LYPD1: variants seen among roughly 807,000 people sequenced by gnomAD.
LYPD1 encodes ly6/PLAUR domain-containing protein 1.
LYPD1 carries 14 observed loss-of-function variants against 14.2 expected under a neutral mutation model. The ratio of observed to expected loss-of-function variants is 0.99; its 90% CI spans 0.65 to 1.54. The LOEUF (loss-of-function observed/expected upper bound fraction) is 1.54. LYPD1 is among the 40% of genes most tolerant of loss of function. LYPD1 has a pLI of 0.00. For missense variants in LYPD1, 165 were observed against 175.7 expected (o/e 0.94, Z 0.34); for synonymous variants, 85 against 70.6 (o/e 1.20, Z -1.02).
At position 132,669,199 on chromosome 2, in the gene LYPD1, A is replaced by T. The variant is rs1376564509; in HGVS notation, c.53-662T>A. Among the ~76,000 whole-genome samples, 1 of 152,030 alleles carries T rather than the reference A, an allele frequency of 6.6e-6. No individual in the cohort carries two copies. Among genetic ancestry groups the T allele is most frequent in the Non-Finnish European group, 1.5e-5 (1 of 68,002 alleles). ...GGAAAGGGCGTTTGTGAGCGCGCGC[A>T]CCCTGGATCCCCGACCCCGCAGCCC... On this transcript the variant is annotated intron_variant, in intron 1 of 2. Coordinates refer to ENST00000397463, the MANE Select transcript of LYPD1 (RefSeq NM_144586.7). The surrounding 1 kb of genome is among the most constrained non-coding windows in gnomAD (Gnocchi z 4.3).
chr2:132,668,827 G>T (rs538630146), intron 1 of LYPD1, among the ~76,000 whole-genome samples: 1 of 152,312 alleles, frequency 6.6e-6, no homozygotes, highest in Non-Finnish European at 1.5e-5. Context: ...GTTGAAGGGA[G>T]GGTGGGGACG....
chr2:132,669,858 T>C lies in LYPD1; in HGVS notation c.52+23A>G. The C allele has an allele frequency of 1.2e-6, 2 of 1,611,822 alleles. No homozygotes were observed. Among genetic ancestry groups the C allele is most frequent in the East Asian group, 2.2e-5 (1 of 44,632 alleles). On this transcript the variant is annotated intron_variant, in intron 1 of 2. Coordinates refer to ENST00000397463, the MANE Select transcript of LYPD1 (RefSeq NM_144586.7). This position sits in a 1 kb window ranked among gnomAD's most constrained non-coding sequence, Gnocchi z 4.3. ...TGGATTGTGCGCACCTGGCCTCGGC[T>C]GCTGGCCTCTGGGTATTCTCACCTG...
chr2:132,657,219 C>T (rs1461428673), intron 2 of LYPD1, among the ~76,000 whole-genome samples: 1 of 152,176 alleles, frequency 6.6e-6, no homozygotes, highest in Non-Finnish European at 1.5e-5. Flanking sequence ...TCTAGTCTTG[C>T]ATTAGACTTG....
intron 2 of LYPD1, among the ~76,000 whole-genome samples, chr2:132,663,988 T>C (rs1405599451): frequency 6.6e-6 from 1 of 152,212 alleles, no homozygotes; most frequent in Non-Finnish European, 1.5e-5. Context: ...TGTGGGTATA[T>C]GCAAATATAT....
intron 2 of LYPD1, among the ~76,000 whole-genome samples, chr2:132,647,679 A>ATG (rs1682178225): frequency 2.0e-5 from 3 of 151,414 alleles, no homozygotes; most frequent in Non-Finnish European, 3.0e-5. Context: ...GATAGATGAT[A>ATG]GTGTTTAATA....
chr2:132,669,855 G>T lies in LYPD1; in HGVS notation c.52+26C>A. 2 of 1,611,444 alleles carry T rather than the reference G, an allele frequency of 1.2e-6. No homozygotes were observed. The highest frequency in any genetic ancestry group is 3.3e-4 in the Middle Eastern group (2 of 6,048). On this transcript the variant is annotated intron_variant, in intron 1 of 2. Coordinates refer to ENST00000397463, the MANE Select transcript of LYPD1 (RefSeq NM_144586.7). This position sits in a 1 kb window ranked among gnomAD's most constrained non-coding sequence, Gnocchi z 4.3. ...AGATGGATTGTGCGCACCTGGCCTC[G>T]GCTGCTGGCCTCTGGGTATTCTCAC...
chr2:132,643,478 T>C lies in LYPD1; in HGVS notation c.*2567A>G, dbSNP rs1049119061. 1.3e-5 allele frequency among the ~76,000 whole-genome samples: 2 copies of C among 152,164 alleles called. No individual in the cohort carries two copies. The highest frequency in any genetic ancestry group is 1.3e-4 in the Admixed American group (2 of 15,272). ...AGGCCAGTGCATACAGGAGGCTCAA[T>C]TCTGGATGTGTGAATGTGGCTGTTT... On this transcript the variant is annotated 3_prime_UTR_variant, in exon 3 of 3. Coordinates refer to ENST00000397463, the MANE Select transcript of LYPD1 (RefSeq NM_144586.7).
At chr2:132,661,556 TAAAAAACAAA>T (rs563102291) in intron 2 of LYPD1, among the ~76,000 whole-genome samples, 136 of 151,904 alleles carry the variant, frequency 9.0e-4, no homozygotes, top group African/African-American at 3.1e-3. Flanking sequence ...ACCTATGGAA[TAAAAAACAAA>T]ACAAAACAAA....
At chr2:132,670,213 G>A, upstream of LYPD1, 1 of 1,013,348 alleles carries the variant, frequency 9.9e-7, no homozygotes. This position sits in a 1 kb window ranked among gnomAD's most constrained non-coding sequence, Gnocchi z 4.5. Flanking sequence ...AGGAACTACT[G>A]GCGATCGGGA....
Position 132,645,671 on chromosome 2 carries a change from T to G in LYPD1, c.*374A>C, listed in dbSNP as rs924524103. ...AGCCCTAAGAAAACGTCACTCTCAC[T>G]CTGCAGTCTCAAACTATGCCCCCAT... On this transcript the variant is annotated 3_prime_UTR_variant, in exon 3 of 3. Coordinates refer to ENST00000397463, the MANE Select transcript of LYPD1 (RefSeq NM_144586.7). The G allele has an allele frequency of 3.2e-6, 5 of 1,546,342 alleles. No homozygotes were observed. In the African/African-American group the frequency reaches 6.9e-5, roughly 21 times the overall value.
At chr2:132,646,419 C>T (rs796641821) in intron 2 of LYPD1, 139 bp from the exon 3 acceptor site, 12 of 448,652 alleles carry the variant, frequency 2.7e-5, no homozygotes, top group African/African-American at 1.2e-4. Flanking sequence ...GGAAGTGCTT[C>T]GGATTGTCTC....
At chr2:132,662,325 A>C (rs373201739) in intron 2 of LYPD1, among the ~76,000 whole-genome samples, 276 of 152,306 alleles carry the variant, frequency 1.8e-3, no homozygotes, top group African/African-American at 6.4e-3. Context: ...CTCATAAGAA[A>C]ACAGTCAGCC....
chr2:132,652,774 G>A (rs1305322326), intron 2 of LYPD1, among the ~76,000 whole-genome samples: 1 of 152,216 alleles, frequency 6.6e-6, no homozygotes, highest in Non-Finnish European at 1.5e-5. Context: ...CTTTAGAGGG[G>A]TAATGGCCTC....
intron 2 of LYPD1, chr2:132,646,537 T>TAA (rs2104890985): frequency 2.7e-6 from 1 of 370,116 alleles, no homozygotes; most frequent in East Asian, 3.9e-5. Context: ...TACCTGTTAA[T>TAA]AAAGAGCTGT....
intron 2 of LYPD1, among the ~76,000 whole-genome samples, chr2:132,668,096 A>G (rs575897076): frequency 8.4e-4 from 128 of 152,244 alleles, no homozygotes; most frequent in African/African-American, 3.0e-3. Context: ...TTAGCCATAT[A>G]TTTTCTACCT....
Position 132,645,056 on chromosome 2 carries a change from T to C in LYPD1, c.*989A>G, listed in dbSNP as rs1131667. On this transcript the variant is annotated 3_prime_UTR_variant, in exon 3 of 3. Coordinates refer to ENST00000397463, the MANE Select transcript of LYPD1 (RefSeq NM_144586.7). ...ATTCATTTACTGTGTTCTCATGCTG[T>C]GTTTTTCTTTTCTCTGTCTCTCCCT... 1.9e-6 allele frequency: 3 copies of C among 1,571,634 alleles called. No individual in the cohort carries two copies. Among genetic ancestry groups the C allele is most frequent in the East Asian group, 2.2e-5 (1 of 44,508 alleles).
chr2:132,662,338 T>C (rs1431216871), intron 2 of LYPD1, among the ~76,000 whole-genome samples: 2 of 152,292 alleles, frequency 1.3e-5, no homozygotes, highest in South Asian at 4.1e-4. Flanking sequence ...AGTCAGCCTG[T>C]TTCTACATTT....
At chr2:132,660,807 A>T (rs576157301) in intron 2 of LYPD1, among the ~76,000 whole-genome samples, 47 of 152,326 alleles carry the variant, frequency 3.1e-4, no homozygotes, top group African/African-American at 1.1e-3. Context: ...TTCTGCCTAT[A>T]CAAAGGCTGT....
chr2:132,645,436 C>T lies in LYPD1; in HGVS notation c.*609G>A. The T allele has an allele frequency of 2.5e-6, 4 of 1,613,624 alleles. No homozygotes were observed. Among genetic ancestry groups the T allele is most frequent in the East Asian group, 2.2e-5 (1 of 44,870 alleles). ...GCGCCCGTTGCTCTTCGCGTCCCGGCGCCAGTCCTCTGCAAGGAGAACTGA... is the reference window on the plus strand; with the variant it reads ...GCGCCCGTTGCTCTTCGCGTCCCGGTGCCAGTCCTCTGCAAGGAGAACTGA... On this transcript the variant is annotated 3_prime_UTR_variant, in exon 3 of 3. Transcript: ENST00000397463.
Sources: allele counts gnomAD v4.1 joint callset (sites outside exome capture counted in the v4.1 genomes callset), GRCh38; gene constraint gnomAD v4.1.1; non-coding constraint Gnocchi (gnomAD v3.1); transcripts MANE v1.5; gene names NCBI Gene and HGNC (gene_info 2026-07-23, HGNC 2026-07-21).